Variants in LUC7L observed in about 807,000 individuals in gnomAD.
LUC7L encodes putative RNA-binding protein Luc7-like 1.
Under a neutral mutation model 51.1 loss-of-function variants are expected in LUC7L, and 29 were observed. The observed-to-expected ratio is 0.57, with a 90% CI of 0.42 to 0.77. The LOEUF is 0.77. LUC7L is among the 30% of genes least tolerant of loss of function. The pLI, the probability that LUC7L is intolerant of heterozygous loss-of-function variation, is 0.00. For missense variants in LUC7L, 403 were observed against 511.9 expected, an observed-to-expected ratio of 0.79 and a Z score of 2.05; for synonymous variants, 181 against 180.7, an observed-to-expected ratio of 1.00 and a Z score of -0.01.
chr16:222,186 C>T (rs560094518), intron 2 of LUC7L, among the ~76,000 whole-genome samples: 2 of 151,246 alleles, frequency 1.3e-5, no homozygotes, highest in East Asian at 3.9e-4. Flanking sequence ...CAGACACCTT[C>T]TGCCTCTCGC....
intron 5 of LUC7L, among the ~76,000 whole-genome samples, chr16:201,642 T>C (rs985085977): frequency 4.6e-5 from 7 of 151,764 alleles, no homozygotes; most frequent in African/African-American, 1.5e-4. Flanking sequence ...AGTATCACCA[T>C]GTTAGCCAGG....
chr16:199,255 G>C lies in LUC7L; in HGVS notation c.511-17C>G, dbSNP rs778223570. The C allele has an allele frequency of 7.8e-5, 123 of 1,571,956 alleles. No homozygotes were observed. The highest frequency in any genetic ancestry group is 1.0e-4 in the Non-Finnish European group (119 of 1,149,186). Reference sequence around the variant, plus strand: ...GTATTCTTCCTGAAGAAGGAAAATGGAGAAATAAAAGTGAGGTATATAGAA... The same window carrying C: ...GTATTCTTCCTGAAGAAGGAAAATGCAGAAATAAAAGTGAGGTATATAGAA... On this transcript the variant is annotated splice_polypyrimidine_tract_variant and intron_variant, in intron 5 of 9. Coordinates refer to ENST00000293872, the MANE Select transcript of LUC7L (RefSeq NM_201412.3).
intron 6 of LUC7L, among the ~76,000 whole-genome samples, chr16:193,534 C>T (rs111355434): frequency 1.3e-5 from 2 of 152,108 alleles, no homozygotes; most frequent in African/African-American, 4.8e-5. Flanking sequence ...AGACAGAGTC[C>T]GCCCTGTTGC....
intron 2 of LUC7L, among the ~76,000 whole-genome samples, chr16:221,512 C>T (rs915261113): frequency 2.0e-5 from 3 of 151,722 alleles, no homozygotes; most frequent in African/African-American, 7.3e-5. Context: ...GGCCAGCCTG[C>T]CCAACATGAT....
chr16:226,031 G>C (rs991128761), intron 2 of LUC7L, among the ~76,000 whole-genome samples: 1 of 152,122 alleles, frequency 6.6e-6, no homozygotes, highest in African/African-American at 2.4e-5. Context: ...CCTTTGACGA[G>C]TTGAAATCAT....
chr16:228,243 T>C, intron 1 of LUC7L: 1 of 1,295,820 alleles, frequency 7.7e-7, no homozygotes, highest in South Asian at 1.3e-5. Context: ...ATTGAAAATG[T>C]TTTCTTTCTA....
In LUC7L at chr16:218,956, G is replaced by C. The variant is rs143660108; in HGVS notation, c.255+1693C>G. On this transcript the variant is annotated intron_variant, in intron 3 of 9. Transcript: ENST00000293872. ...AAAAAAAAAAAAAAAAAAAAAGGCC[G>C]GGTGTGGTGGCACACACCTATACCC... Among the ~76,000 whole-genome samples, 697 of 146,474 alleles carry C rather than the reference G, an allele frequency of 4.8e-3. 39 individuals carry two copies. The East Asian group carries it at 0.099, about 21-fold the overall frequency.
rs544959226 is a variant in LUC7L, at chr16:205,614, G to C, written c.510+390C>G. 2.6e-5 allele frequency among the ~76,000 whole-genome samples: 4 copies of C among 152,240 alleles called. No homozygotes were observed. In the East Asian group the frequency reaches 7.7e-4, roughly 29 times the overall value. On this transcript the variant is annotated intron_variant, in intron 5 of 9. Transcript: ENST00000293872. ...AGCGTTTATAAATTTTTTTGAGACA[G>C]AGTCTCGCTCTGTCGCCCAGGCTGG...
chr16:197,945 A>G (rs1428747239), intron 6 of LUC7L, among the ~76,000 whole-genome samples: 13 of 152,188 alleles, frequency 8.5e-5, no homozygotes, highest in Admixed American at 7.9e-4. Flanking sequence ...AATACGTCCA[A>G]CCTTCCTTCT....
intron 5 of LUC7L, among the ~76,000 whole-genome samples, chr16:204,028 A>C (rs2049408890): frequency 6.6e-6 from 1 of 152,092 alleles, no homozygotes; most frequent in African/African-American, 2.4e-5. Flanking sequence ...AAAAACACAA[A>C]AACAAAAACC....
rs556054451 is a variant in LUC7L at position 198,321 on chromosome 16, T to TA, written c.687+740dup. On this transcript the variant is annotated intron_variant, in intron 6 of 9. Coordinates refer to ENST00000293872, the MANE Select transcript of LUC7L (RefSeq NM_201412.3). The stretch of plus-strand genomic sequence containing the variant: ...AAAAAAAAAAAGTTTTTAAATGTCT[T>TA]AGAGTCTTGAAGAAGGAACAGAGGT... Among the ~76,000 whole-genome samples, 11 of 149,200 alleles carry TA rather than the reference T, an allele frequency of 7.4e-5. No homozygotes were observed. The South Asian group carries it at 1.3e-3, about 17-fold the overall frequency.
intron 3 of LUC7L, among the ~76,000 whole-genome samples, chr16:210,177 C>A (rs960589513): frequency 6.6e-6 from 1 of 152,170 alleles, no homozygotes; most frequent in Admixed American, 6.5e-5. Context: ...ATCCCAGCTA[C>A]TTCGGAGGCT....
chr16:222,406 G>A (rs1359238087), intron 2 of LUC7L, among the ~76,000 whole-genome samples: 2 of 151,202 alleles, frequency 1.3e-5, no homozygotes, highest in African/African-American at 4.9e-5. Context: ...GGGAGGGCAA[G>A]ATGGGAGGAT....
intron 5 of LUC7L, among the ~76,000 whole-genome samples, chr16:202,718 A>G (rs951197866): frequency 5.9e-5 from 9 of 152,018 alleles, no homozygotes; most frequent in African/African-American, 2.2e-4. Context: ...TAAGAAAGAT[A>G]TGACTGTACT....
intron 2 of LUC7L, among the ~76,000 whole-genome samples, chr16:226,025 T>C (rs1376746469): frequency 6.6e-6 from 1 of 152,136 alleles, no homozygotes; most frequent in Admixed American, 6.6e-5. Flanking sequence ...AAACTTCCTT[T>C]GACGAGTTGA....
intron 5 of LUC7L, among the ~76,000 whole-genome samples, chr16:203,330 G>A (rs775862757): frequency 2.6e-5 from 4 of 152,018 alleles, no homozygotes; most frequent in South Asian, 2.1e-4. Context: ...CTCTACAATC[G>A]CTTTCAGAAA....
chr16:220,626 A>T, intron 3 of LUC7L, 23 bp downstream of exon 3: 1 of 1,538,790 alleles, frequency 6.5e-7, no homozygotes, highest in Non-Finnish European at 9.0e-7. Context: ...AGTAGGAATA[A>T]ATCAACATTA....
In LUC7L at chr16:229,435, C is replaced by T; in HGVS notation, c.-96G>A. 2.6e-6 allele frequency: 3 copies of T among 1,135,954 alleles called. No homozygotes were observed. Among genetic ancestry groups the T allele is most frequent in the Non-Finnish European group, 3.6e-6 (3 of 843,596 alleles). The allele number at this position is 1,135,954 out of a possible 1,614,324, so 70.4% of individuals were successfully genotyped here. Reference sequence around the variant, plus strand: ...AAACGATGGTCGCGTCGGCCTCGAGCCCACTCGGCTCTTTCCCGCCGCGGG... The same window carrying T: ...AAACGATGGTCGCGTCGGCCTCGAGTCCACTCGGCTCTTTCCCGCCGCGGG... On this transcript the variant is annotated 5_prime_UTR_variant, in exon 1 of 10. Coordinates refer to ENST00000293872, the MANE Select transcript of LUC7L (RefSeq NM_201412.3).
At chr16:215,586 GC>G (rs2049771156) in intron 3 of LUC7L, among the ~76,000 whole-genome samples, 1 of 149,418 alleles carries the variant, frequency 6.7e-6, no homozygotes, top group Admixed American at 6.7e-5. Flanking sequence ...TCGCGCCATT[GC>G]ACTCCAGCCT....
Sources: gnomAD v4.1 joint callset for allele counts (sites outside exome capture counted in the v4.1 genomes callset) on GRCh38, gnomAD v4.1.1 for gene constraint, MANE v1.5 for transcripts, NCBI Gene and HGNC (gene_info 2026-07-23, HGNC 2026-07-21) for gene names.